GADL1: variants seen among roughly 807,000 people sequenced by gnomAD.
GADL1 encodes GAD like acidic amino acid decarboxylase 1.
GADL1 carries 71 observed loss-of-function variants against 69.5 expected under a neutral mutation model. The ratio of observed to expected loss-of-function variants is 1.02; its 90% CI spans 0.84 to 1.25. GADL1 has a LOEUF of 1.25. Ranked by LOEUF, GADL1 falls within the 50% of genes most tolerant of loss-of-function variation. The pLI is 0.00. For synonymous variants in GADL1, 254 were observed against 214.4 expected (o/e 1.18, Z -1.62); for missense variants, 737 against 631.8 (o/e 1.17, Z -1.79).
intron 11 of GADL1, among the ~76,000 whole-genome samples, chr3:30,831,406 A>G (rs1310297909): frequency 6.6e-6 from 1 of 151,912 alleles, no homozygotes; most frequent in Non-Finnish European, 1.5e-5. Context: ...CTGAAGTACT[A>G]TACTCTTCTC....
chr3:30,887,579 C>G (rs1698726007), intron 1 of GADL1, among the ~76,000 whole-genome samples: 1 of 152,014 alleles, frequency 6.6e-6, no homozygotes, highest in African/African-American at 2.4e-5. Context: ...ACTTCCCAGC[C>G]TCCAGAACTG....
intron 11 of GADL1, among the ~76,000 whole-genome samples, chr3:30,816,901 T>G (rs1198585496): frequency 6.6e-6 from 1 of 152,142 alleles, no homozygotes; most frequent in South Asian, 2.1e-4. Flanking sequence ...ATAACTGTAT[T>G]GTATAGCATC....
At chr3:30,808,373 C>T (rs1575214957) in intron 11 of GADL1, among the ~76,000 whole-genome samples, 1 of 151,960 alleles carries the variant, frequency 6.6e-6, no homozygotes, top group Non-Finnish European at 1.5e-5. Context: ...GGTTGCATGC[C>T]TGTAATCCTA....
At position 30,813,323 on chromosome 3, in the gene GADL1, A is replaced by G. The variant is rs898743379; in HGVS notation, c.1051-12235T>C. Among the ~76,000 whole-genome samples, 2 of 152,318 alleles carry G rather than the reference A, an allele frequency of 1.3e-5. 1 individual carries two copies. ...AATGCCTGGAAAAAATATATTTATT[A>G]ACACAGGACATATTTCTTCAGTCTA... On this transcript the variant is annotated intron_variant, in intron 11 of 14. Transcript: ENST00000282538.
intron 3 of GADL1, among the ~76,000 whole-genome samples, chr3:30,855,174 G>T (rs1698208168): frequency 6.6e-6 from 1 of 152,000 alleles, no homozygotes. Context: ...TCCAAAACAG[G>T]ATCATGCGCA....
chr3:30,810,476 T>C (rs1040841857), intron 11 of GADL1, among the ~76,000 whole-genome samples: 1 of 152,192 alleles, frequency 6.6e-6, no homozygotes, highest in Non-Finnish European at 1.5e-5. Flanking sequence ...CTTTGGTTGA[T>C]ATGCTCTTAA....
chr3:30,839,102 C>A lies in GADL1; in HGVS notation c.798G>T (p.Pro266=). The change falls in exon 9 of 15, where the codon CCG becomes CCT. Residue 266 remains proline (P), a synonymous_variant. Transcript: ENST00000282538. Reference sequence around the variant, plus strand: ...TACCAGAAGTGGCACAGACAAGAAACGGTGCTGCCCCCTGTAAGAAGGATC... The same window carrying A: ...TACCAGAAGTGGCACAGACAAGAAAAGGTGCTGCCCCCTGTAAGAAGGATC... ...VWQARKEGAA[P]FLVCATSGTT... is the part of the protein sequence containing the mutation. 1 of 1,585,350 alleles carries A rather than the reference C, an allele frequency of 6.3e-7. No homozygotes were observed. Among genetic ancestry groups the A allele is most frequent in the Non-Finnish European group, 8.6e-7 (1 of 1,166,328 alleles).
At chr3:30,799,144 G>A (rs534228423) in intron 12 of GADL1, 1 of 152,348 alleles carries the variant, frequency 6.6e-6, no homozygotes, top group South Asian at 2.1e-4. Context: ...GCCCCAGTAG[G>A]GACTCTGTGT....
intron 14 of GADL1, among the ~76,000 whole-genome samples, chr3:30,745,131 G>A (rs1163979684): frequency 6.6e-6 from 1 of 152,216 alleles, no homozygotes; most frequent in Non-Finnish European, 1.5e-5. Flanking sequence ...GTGTGCATGA[G>A]TGAGCAAGTG....
At chr3:30,817,629 A>AAC (rs1697498067) in intron 11 of GADL1, among the ~76,000 whole-genome samples, 1 of 152,168 alleles carries the variant, frequency 6.6e-6, no homozygotes, top group Non-Finnish European at 1.5e-5. Flanking sequence ...TAGCTCTGAA[A>AAC]ACAGCTATGT....
intron 12 of GADL1, chr3:30,799,598 A>C (rs1697119630): frequency 6.6e-6 from 1 of 152,176 alleles, no homozygotes; most frequent in Non-Finnish European, 1.5e-5. Flanking sequence ...ATTATCATTC[A>C]GCTCCTTGTT....
At chr3:30,861,812 C>A (rs1393745) in intron 1 of GADL1, 47 bp from the exon 2 acceptor site, 1 of 1,311,592 alleles carries the variant, frequency 7.6e-7, no homozygotes, top group South Asian at 1.4e-5. Flanking sequence ...TCTAATTACA[C>A]CACATAACAA....
intron 6 of GADL1, among the ~76,000 whole-genome samples, chr3:30,846,400 GTT>G (rs1455585987): frequency 6.6e-6 from 1 of 152,148 alleles, no homozygotes; most frequent in African/African-American, 2.4e-5. Flanking sequence ...TTGAGCTGGA[GTT>G]TTACTTTCTG....
chr3:30,756,915 A>G (rs1695988575), intron 14 of GADL1, among the ~76,000 whole-genome samples: 1 of 152,220 alleles, frequency 6.6e-6, no homozygotes, highest in African/African-American at 2.4e-5. Flanking sequence ...ATGTAGCAAT[A>G]ACTCAGCACT....
At chr3:30,783,414 GTTA>G (rs909185430) in intron 13 of GADL1, among the ~76,000 whole-genome samples, 8 of 151,528 alleles carry the variant, frequency 5.3e-5, no homozygotes, top group East Asian at 3.9e-4. Flanking sequence ...ATGATTGAAA[GTTA>G]TTTTTATTCT....
intron 12 of GADL1, among the ~76,000 whole-genome samples, chr3:30,792,393 T>A (rs1218100733): frequency 6.6e-6 from 1 of 152,066 alleles, no homozygotes; most frequent in East Asian, 1.9e-4. Flanking sequence ...GGCAACATGG[T>A]GAAACCCCAT....
chr3:30,763,926 C>A (rs1343129859), intron 14 of GADL1, among the ~76,000 whole-genome samples: 1 of 151,954 alleles, frequency 6.6e-6, no homozygotes, highest in Non-Finnish European at 1.5e-5. Context: ...TTTATAAATT[C>A]TCTTGATAAT....
intron 1 of GADL1, among the ~76,000 whole-genome samples, chr3:30,871,636 G>A (rs866753694): frequency 1.6e-4 from 24 of 151,702 alleles, no homozygotes; most frequent in African/African-American, 5.1e-4. Context: ...ATATTTCTGG[G>A]AGGGAACATG....
chr3:30,752,318 C>T (rs544811427), intron 14 of GADL1, among the ~76,000 whole-genome samples: 3 of 142,438 alleles, frequency 2.1e-5, no homozygotes, highest in Non-Finnish European at 4.8e-5. Flanking sequence ...GTTGTAGGGG[C>T]CTATCTCTCT....
Sources: gnomAD v4.1 joint callset for allele counts (sites outside exome capture counted in the v4.1 genomes callset) on GRCh38, gnomAD v4.1.1 for gene constraint, MANE v1.5 for transcripts, NCBI Gene and HGNC (gene_info 2026-07-23, HGNC 2026-07-21) for gene names.